The following PIK3C2B variants were observed in gnomAD, a reference collection of about 807,000 sequenced individuals.
The protein encoded by PIK3C2B is phosphatidylinositol-4-phosphate 3-kinase catalytic subunit type 2 beta.
A neutral mutation model predicts 184.3 loss-of-function variants in PIK3C2B; 83 were observed. The observed-to-expected ratio is 0.45, with a 90% CI of 0.38 to 0.54. The LOEUF (loss-of-function observed/expected upper bound fraction) is 0.54. Among genes scored for constraint, PIK3C2B ranks in the 20% least tolerant of loss-of-function variants. The probability of loss-of-function intolerance (pLI) is 0.00; values close to 1 mark genes in which losing one functional copy is unlikely to be tolerated. For synonymous variants in PIK3C2B, 779 were observed against 837.6 expected (o/e 0.93, Z 1.21); for missense variants, 1,736 against 2,113.5 (o/e 0.82, Z 3.50).
Position 204,428,204 on chromosome 1 carries a change from G to C in PIK3C2B, c.4415C>G (p.Thr1472Ser). 1 of 1,611,158 alleles carries C rather than the reference G, an allele frequency of 6.2e-7. No homozygotes were observed. The highest frequency in any genetic ancestry group is 8.5e-7 in the Non-Finnish European group (1 of 1,177,422). The change falls in exon 30 of 33, where the codon ACC becomes AGC. Residue 1472 changes from threonine to serine, a missense_variant. Thr to Ser is a moderately conservative substitution (Grantham distance 58). Transcript: ENST00000684373. ...PEVAECDLVY[T>S]FFHPLPRDEK... ...ATCCCGGGGCAGTGGGTGGAAGAAG[G>C]TGTACACCAAATCACACTGGAACAG...
At chr1:204,439,630 C>T (rs1327700816) in intron 22 of PIK3C2B, among the ~76,000 whole-genome samples, 1 of 152,120 alleles carries the variant, frequency 6.6e-6, no homozygotes, top group African/African-American at 2.4e-5. Flanking sequence ...CTCCTTCTCT[C>T]TCTCTCTCTA....
In PIK3C2B at chr1:204,488,832, G is replaced by A. The variant is rs114143295; in HGVS notation, c.-85+5524C>T. Among the ~76,000 whole-genome samples the A allele has an allele frequency of 4.4e-3, 664 of 152,244 alleles. 5 individuals are homozygous for A. Among genetic ancestry groups the A allele is most frequent in the Non-Finnish European group, 5.9e-3 (404 of 68,016 alleles). On this transcript the variant is annotated intron_variant, in intron 1 of 32. Coordinates refer to ENST00000684373, the MANE Select transcript of PIK3C2B (RefSeq NM_001377334.1). Reference sequence around the variant, plus strand: ...GCAACCCATATTTCCCCCACTCAATGACTTAAAAGTACCTAAAGTCACTAG... The same window carrying A: ...GCAACCCATATTTCCCCCACTCAATAACTTAAAAGTACCTAAAGTCACTAG...
At position 204,469,859 on chromosome 1, in the gene PIK3C2B, G is replaced by C. The variant is rs1349452766; in HGVS notation, c.-57C>G. On this transcript the variant is annotated 5_prime_UTR_variant, in exon 2 of 33. Transcript: ENST00000684373. ...TCTACTTCCTGCCAACGTCAGTTCT[G>C]GAGGGTTGTGACATGGTGTCTGGGC... 8.0e-7 allele frequency: 1 copy of C among 1,245,086 alleles called. No homozygotes were observed. The highest frequency in any genetic ancestry group is 1.5e-5 in the African/African-American group (1 of 67,528). 77.1% of individuals were successfully genotyped at this position (1,245,086 alleles called of 1,614,324 possible). A position where few individuals can be genotyped will look rare whatever the true frequency, so the allele number is the denominator to read the frequency against.
At position 204,469,165 on chromosome 1, in the gene PIK3C2B, A is replaced by T; in HGVS notation, c.638T>A (p.Val213Glu). ...LEHRILEEEE[V>E]LGGGGQGRLL... Reference sequence around the variant, plus strand: ...GCGCCCCTGACCCCCACCTCCCAGCACCTCTTCCTCTTCTAGGATCCGATG... The same window carrying T: ...GCGCCCCTGACCCCCACCTCCCAGCTCCTCTTCCTCTTCTAGGATCCGATG... Residue 213 changes from valine (V) to glutamate (E), a missense_variant, in exon 2 of 33, where the codon GTG (valine) becomes GAG (glutamate). Val to Glu is a moderately radical substitution (Grantham distance 121). This residue lies in a region of PIK3C2B where 404 missense variants were observed against 418.0 expected (regional missense o/e 0.97). Coordinates refer to ENST00000684373, the MANE Select transcript of PIK3C2B (RefSeq NM_001377334.1). 6.2e-7 allele frequency: 1 copy of T among 1,613,838 alleles called. No individual in the cohort carries two copies.
Position 204,469,559 on chromosome 1 carries a change from G to C in PIK3C2B, c.244C>G (p.Arg82Gly), listed in dbSNP as rs146986563. ...GTAGGATCAGAGCCAGAGAGACCGC[G>C]TAACAGCTTGAGGTCGGTCCGCCTT... The part of the protein sequence containing the change: ...AGRRTDLKLL[R>G]GLSGSDPTLN... The change falls in exon 2 of 33, where the codon CGC becomes GGC. Residue 82 changes from arginine (R) to glycine (G), a missense_variant. Physicochemically the swap from Arg to Gly is moderately radical, Grantham distance 125 (BLOSUM62 -2). This residue lies in a region of PIK3C2B where 404 missense variants were observed against 418.0 expected (regional missense o/e 0.97). Transcript: ENST00000684373. The C allele has an allele frequency of 3.8e-6, 6 of 1,594,636 alleles. No homozygotes were observed. The highest frequency in any genetic ancestry group is 5.1e-6 in the Non-Finnish European group (6 of 1,169,996).
At position 204,449,939 on chromosome 1, in the gene PIK3C2B, G is replaced by A; in HGVS notation, c.2145C>T (p.Pro715=). The A allele has an allele frequency of 4.3e-6, 7 of 1,612,608 alleles. No individual in the cohort carries two copies. The highest frequency in any genetic ancestry group is 5.1e-6 in the Non-Finnish European group (6 of 1,179,458). ...TGGCCTCTGAGGAGCTCCCCGGTGG[G>A]GGGATGGGCAGAGCATAGAGAGTGG... ...LCATLYALPI[P]PPGSSSEANK... is the part of the protein sequence containing the mutation. The change falls in exon 13 of 33, where the codon CCC becomes CCT. Residue 715 remains proline (P), a synonymous_variant. Transcript: ENST00000684373.
In PIK3C2B at chr1:204,434,602, C is replaced by T. The variant is rs373945378; in HGVS notation, c.3523G>A (p.Glu1175Lys). Residue 1175 changes from glutamate to lysine, a missense_variant, in exon 24 of 33, where the codon GAG becomes AAG. By Grantham distance (56) the Glu-to-Lys change is moderately conservative. This residue lies in a region of PIK3C2B where 289 missense variants were observed against 380.4 expected (regional missense o/e 0.76). Coordinates refer to ENST00000684373, the MANE Select transcript of PIK3C2B (RefSeq NM_001377334.1). ...PGEDEYEKAV[E>K]NFIYSCAGCC... is the part of the protein sequence containing the mutation. The stretch of plus-strand genomic sequence containing the variant: ...CCAGCGCAGGAGTAGATAAAGTTCT[C>T]CACAGCCTGGGAGGGGTCAAGGCAG... 2.5e-6 allele frequency: 4 copies of T among 1,612,940 alleles called. No homozygotes were observed. Among genetic ancestry groups the T allele is most frequent in the Admixed American group, 3.3e-5 (2 of 59,990 alleles).
chr1:204,459,935 G>A lies in PIK3C2B; in HGVS notation c.1509C>T (p.Ala503=). 1 of 1,613,836 alleles carries A rather than the reference G, an allele frequency of 6.2e-7. No individual in the cohort carries two copies. Among genetic ancestry groups the A allele is most frequent in the East Asian group, 2.2e-5 (1 of 44,874 alleles). The part of the protein sequence containing the change: ...RPVKQTISRQ[A]LSLLFDTYHN... ...GGTAAGTGTCGAACAGAAGACTCAG[G>A]GCCTGCCTGGGAGTTGGGGGCAGGG... Residue 503 remains alanine (A), a synonymous_variant, in exon 8 of 33, where the codon GCC becomes GCT. Coordinates refer to ENST00000684373, the MANE Select transcript of PIK3C2B (RefSeq NM_001377334.1).
intron 4 of PIK3C2B, 68 bp from the exon 5 acceptor site, chr1:204,464,200 C>T (rs1021247914): frequency 1.3e-6 from 2 of 1,545,844 alleles, no homozygotes; most frequent in Non-Finnish European, 8.9e-7. Flanking sequence ...AGTTTCCCCA[C>T]CCTGATCCCC....
At chr1:204,441,375 G>T (rs1675650895) in intron 21 of PIK3C2B, 96 bp downstream of exon 21, 1 of 715,024 alleles carries the variant, frequency 1.4e-6, no homozygotes, top group Non-Finnish European at 2.5e-6. Context: ...ATGGAACAGT[G>T]GGAAGAGAAC....
In PIK3C2B at chr1:204,442,550, C is replaced by T; in HGVS notation, c.3132G>A (p.Leu1044=). 1 of 1,554,698 alleles carries T rather than the reference C, an allele frequency of 6.4e-7. No individual in the cohort carries two copies. Among genetic ancestry groups the T allele is most frequent in the Non-Finnish European group, 8.7e-7 (1 of 1,148,634 alleles). ...GSCRLPLSPS[L]LVKGIVPRDC... ...CCCTGGGCACAATTCCCTTAACCAGCAGACTGGGGCTGAGTGGCAAGCGGC... is the reference window on the plus strand; with the variant it reads ...CCCTGGGCACAATTCCCTTAACCAGTAGACTGGGGCTGAGTGGCAAGCGGC... The change falls in exon 20 of 33, where the codon CTG becomes CTA. Residue 1044 remains leucine (L), a synonymous_variant. Coordinates refer to ENST00000684373, the MANE Select transcript of PIK3C2B (RefSeq NM_001377334.1).
At position 204,431,716 on chromosome 1, in the gene PIK3C2B, T is replaced by A; in HGVS notation, c.4233A>T (p.Glu1411Asp). The A allele has an allele frequency of 6.2e-7, 1 of 1,614,204 alleles. No homozygotes were observed. Among genetic ancestry groups the A allele is most frequent in the South Asian group, 1.1e-5 (1 of 91,086 alleles). ...YIQRTFEEFQELHNKLRLLFP... is the reference protein window; with the variant it reads ...YIQRTFEEFQDLHNKLRLLFP... ...AGAGCAGCCGCAACTTATTGTGTAA[T>A]TCCTGGAACTCCTCAAAGGTCCGCT... Residue 1411 changes from glutamate (E) to aspartate (D), a missense_variant, in exon 28 of 33, where the codon GAA becomes GAT. Glu to Asp is a conservative substitution (Grantham distance 45, BLOSUM62 2). This residue lies in a region of PIK3C2B where 200 missense variants were observed against 199.1 expected (regional missense o/e 1.00). Coordinates refer to ENST00000684373, the MANE Select transcript of PIK3C2B (RefSeq NM_001377334.1).
intron 1 of PIK3C2B, chr1:204,490,046 C>G (rs945354414): frequency 1.0e-5 from 4 of 397,266 alleles, no homozygotes; most frequent in African/African-American, 2.1e-5. Context: ...TGTGAAACAA[C>G]TCTCTAATAT....
Position 204,446,036 on chromosome 1 carries a change from A to C in PIK3C2B, c.2598T>G (p.Ala866=), listed in dbSNP as rs200566291. Reference sequence around the variant, plus strand: ...GGAGAACATAGATGTCAGGCAGGCAAGCCCACTCCCAGCTGGGGGCGCTGG... The same window carrying C: ...GGAGAACATAGATGTCAGGCAGGCACGCCCACTCCCAGCTGGGGGCGCTGG... ...VLASAPSWEW[A]CLPDIYVLLK... is the part of the protein sequence containing the mutation. The change falls in exon 16 of 33, where the codon GCT becomes GCG. Residue 866 remains alanine, a synonymous_variant. Coordinates refer to ENST00000684373, the MANE Select transcript of PIK3C2B (RefSeq NM_001377334.1). 120 of 1,604,522 alleles carry C rather than the reference A, an allele frequency of 7.5e-5. No homozygotes were observed. In the East Asian group the frequency reaches 2.3e-3, roughly 31 times the overall value.
intron 28 of PIK3C2B, 79 bp from the exon 29 acceptor site, chr1:204,430,117 ATTTCAT>A: frequency 1.1e-6 from 1 of 899,696 alleles, no homozygotes; most frequent in Admixed American, 2.0e-5. Context: ...CTTTTTTCAC[ATTTCAT>A]TTGCGTTTCC....
At chr1:204,467,869 G>A (rs1374145288) in intron 2 of PIK3C2B, among the ~76,000 whole-genome samples, 1 of 146,210 alleles carries the variant, frequency 6.8e-6, no homozygotes. Context: ...CAGCCATGGG[G>A]GTGTCACTTG....
At chr1:204,479,972 G>C (rs1657001155) in intron 1 of PIK3C2B, among the ~76,000 whole-genome samples, 1 of 152,220 alleles carries the variant, frequency 6.6e-6, no homozygotes, top group Non-Finnish European at 1.5e-5. Flanking sequence ...GAGGACAGGA[G>C]AGGCCACGGC....
At chr1:204,434,788 C>T (rs890889114) in intron 23 of PIK3C2B, among the ~76,000 whole-genome samples, 180 bp from the exon 24 acceptor site, 4 of 152,234 alleles carry the variant, frequency 2.6e-5, no homozygotes, top group Admixed American at 1.3e-4. Context: ...CTTACACACA[C>T]AGAAACATCT....
intron 28 of PIK3C2B, 111 bp downstream of exon 28, chr1:204,431,558 T>G: frequency 3.0e-6 from 4 of 1,322,192 alleles, no homozygotes; most frequent in Non-Finnish European, 4.3e-6. Context: ...AGCAGGCAGA[T>G]GTTTAGTCCA....
Sources: gnomAD v4.1 joint callset for allele counts (sites outside exome capture counted in the v4.1 genomes callset) on GRCh38, gnomAD v4.1.1 for gene constraint, gnomAD v4.1.1 regional missense constraint, MANE v1.5 for transcripts, NCBI Gene and HGNC (gene_info 2026-07-23, HGNC 2026-07-21) for gene names.